Variants in CHST9 observed in about 807,000 individuals in gnomAD.
CHST9 encodes GalNAc-4-sulfotransferase 2.
CHST9 carries 41 observed loss-of-function variants against 44.4 expected under a neutral mutation model. The ratio of observed to expected loss-of-function variants is 0.92; its 90% CI spans 0.72 to 1.20. The LOEUF is 1.20. Among genes scored for constraint, CHST9 ranks in the 50% most tolerant of loss-of-function variants. The pLI, the probability that CHST9 is intolerant of heterozygous loss-of-function variation, is 0.00. For synonymous variants in CHST9, 171 were observed against 178.4 expected (o/e 0.96, Z 0.33); for missense variants, 504 against 516.5 (o/e 0.98, Z 0.23).
At chr18:26,952,275 A>C (rs1598588809) in intron 4 of CHST9, 14 of 524,360 alleles carry the variant, frequency 2.7e-5, no homozygotes, top group South Asian at 1.9e-4. Flanking sequence ...TCGGCTTTTC[A>C]GGGTGTTGGA....
chr18:27,005,379 CT>C (rs1362865972), intron 4 of CHST9, among the ~76,000 whole-genome samples: 1 of 152,166 alleles, frequency 6.6e-6, no homozygotes, highest in Non-Finnish European at 1.5e-5. Context: ...TTTCTTCTCT[CT>C]TTAAAATTTG....
At chr18:27,110,597 T>C (rs930715117) in intron 2 of CHST9, among the ~76,000 whole-genome samples, 6 of 152,110 alleles carry the variant, frequency 3.9e-5, no homozygotes, top group Non-Finnish European at 7.4e-5. Flanking sequence ...TGTTTCTAGG[T>C]TGCACATATA....
At chr18:27,079,044 A>G (rs1308275919) in intron 2 of CHST9, among the ~76,000 whole-genome samples, 1 of 152,070 alleles carries the variant, frequency 6.6e-6, no homozygotes, top group Non-Finnish European at 1.5e-5. Context: ...TCCCACAGGT[A>G]TTTGTCTCCA....
At chr18:26,929,411 T>G (rs1477094573) in intron 5 of CHST9, among the ~76,000 whole-genome samples, 1 of 152,242 alleles carries the variant, frequency 6.6e-6, no homozygotes, top group Non-Finnish European at 1.5e-5. Context: ...TGACATATAG[T>G]GTCTGCCATA....
At chr18:26,950,029 T>C (rs2056222494) in intron 4 of CHST9, among the ~76,000 whole-genome samples, 1 of 152,216 alleles carries the variant, frequency 6.6e-6, no homozygotes, top group Non-Finnish European at 1.5e-5. Flanking sequence ...AACTCTGACC[T>C]TTAGAATTGT....
intron 1 of CHST9, among the ~76,000 whole-genome samples, chr18:27,165,624 T>C (rs945175633): frequency 3.3e-5 from 5 of 152,162 alleles, no homozygotes; most frequent in African/African-American, 1.2e-4. Flanking sequence ...AATCCAAACA[T>C]AGGCTTGTCT....
chr18:26,975,765 A>C (rs2056616604), intron 4 of CHST9, among the ~76,000 whole-genome samples: 2 of 114,344 alleles, frequency 1.7e-5, no homozygotes, highest in African/African-American at 3.4e-5. Context: ...ATATATATAT[A>C]ACATTTTCTT....
At chr18:27,038,708 GT>G (rs373753627) in intron 3 of CHST9, among the ~76,000 whole-genome samples, 5 of 151,974 alleles carry the variant, frequency 3.3e-5, no homozygotes, top group Non-Finnish European at 5.9e-5. Flanking sequence ...AGTGTAAAGT[GT>G]TTTTTTCATT....
rs1017856582 is a variant in CHST9, at chr18:26,909,144, T to A, written c.*7115A>T. ...GCTCTAGTTCTTGCACTTGGCAGAC[T>A]TCGGACGCCAAGTTTCTGCTTCAGT... On this transcript the variant is annotated 3_prime_UTR_variant, in exon 6 of 6. Coordinates refer to ENST00000618847, the MANE Select transcript of CHST9 (RefSeq NM_031422.6). 2.6e-5 allele frequency: 4 copies of A among 152,250 alleles called. No homozygotes were observed. Among genetic ancestry groups the A allele is most frequent in the Non-Finnish European group, 4.4e-5 (3 of 68,048 alleles). The allele number at this position is 152,250 out of a possible 1,614,324, so 9.4% of individuals were successfully genotyped here.
In CHST9 at chr18:26,909,740, C is replaced by T. The variant is rs2055414400; in HGVS notation, c.*6519G>A. ...TTATCCCTTCTCCTGTTTTCTCCAC[C>T]TCTCTAAGTATAGAAGTGGGGGGAG... On this transcript the variant is annotated 3_prime_UTR_variant, in exon 6 of 6. Coordinates refer to ENST00000618847, the MANE Select transcript of CHST9 (RefSeq NM_031422.6). 6.6e-6 allele frequency: 1 copy of T among 152,048 alleles called. No homozygotes were observed. Among genetic ancestry groups the T allele is most frequent in the Non-Finnish European group, 1.5e-5 (1 of 68,024 alleles). 9.4% of individuals were successfully genotyped at this position (152,048 alleles called of 1,614,324 possible). A position where few individuals can be genotyped will look rare whatever the true frequency, so the allele number is the denominator to read the frequency against.
intron 1 of CHST9, among the ~76,000 whole-genome samples, chr18:27,160,178 G>A (rs1288405573): frequency 6.6e-6 from 1 of 152,136 alleles, no homozygotes; most frequent in Non-Finnish European, 1.5e-5. Context: ...GGGCATCCCT[G>A]TCTTGTGCCA....
At chr18:26,972,476 G>A (rs1298808707) in intron 4 of CHST9, among the ~76,000 whole-genome samples, 1 of 152,054 alleles carries the variant, frequency 6.6e-6, no homozygotes, top group Non-Finnish European at 1.5e-5. Flanking sequence ...TCTAGACAGA[G>A]GGAGCAGGAG....
chr18:27,127,515 G>A (rs1460946404), intron 2 of CHST9, among the ~76,000 whole-genome samples: 1 of 152,176 alleles, frequency 6.6e-6, no homozygotes, highest in Non-Finnish European at 1.5e-5. Context: ...TAAGAAAGGT[G>A]AGGGTGAGGA....
intron 1 of CHST9, chr18:27,147,630 A>G (rs2058623849): frequency 6.6e-6 from 1 of 152,122 alleles, no homozygotes; most frequent in Non-Finnish European, 1.5e-5. Context: ...TCATTGGTCC[A>G]CACCCACACA....
intron 3 of CHST9, among the ~76,000 whole-genome samples, chr18:27,038,098 T>C (rs189743844): frequency 1.3e-5 from 2 of 152,314 alleles, no homozygotes; most frequent in South Asian, 2.1e-4. Context: ...ATTTAAAAAA[T>C]TGATTATCTC....
At chr18:26,923,153 G>T (rs1464000360) in intron 5 of CHST9, among the ~76,000 whole-genome samples, 2 of 152,186 alleles carry the variant, frequency 1.3e-5, no homozygotes, top group Admixed American at 1.3e-4. Flanking sequence ...ATAGGGAAAA[G>T]TATATTAAGC....
chr18:26,989,252 T>G (rs1568122899), intron 4 of CHST9, among the ~76,000 whole-genome samples: 1 of 151,972 alleles, frequency 6.6e-6, no homozygotes, highest in Non-Finnish European at 1.5e-5. Context: ...AACCGTAGAA[T>G]AAAGAAATGA....
intron 4 of CHST9, among the ~76,000 whole-genome samples, chr18:26,970,619 G>T (rs905648604): frequency 1.3e-5 from 2 of 152,070 alleles, no homozygotes; most frequent in African/African-American, 4.8e-5. Context: ...GTAGAGATGG[G>T]GTTTCACCAT....
chr18:27,089,498 G>A (rs564075821), intron 2 of CHST9, among the ~76,000 whole-genome samples: 1 of 152,048 alleles, frequency 6.6e-6, no homozygotes, highest in Admixed American at 6.6e-5. Context: ...AGTATTCCGT[G>A]GTGTATATGT....
Sources: gnomAD v4.1 joint callset for allele counts (sites outside exome capture counted in the v4.1 genomes callset) on GRCh38, gnomAD v4.1.1 for gene constraint, MANE v1.5 for transcripts, NCBI Gene and HGNC (gene_info 2026-07-23, HGNC 2026-07-21) for gene names.